Variants in HEPHL1 observed in about 807,000 individuals in gnomAD.
HEPHL1 encodes hephaestin like 1.
A neutral mutation model predicts 122.0 loss-of-function variants in HEPHL1; 123 were observed. That is an observed-to-expected ratio of 1.01 (90% CI 0.87 to 1.17). The LOEUF (loss-of-function observed/expected upper bound fraction) is 1.17, where lower values mean the gene tolerates loss of function less well. Among genes scored for constraint, HEPHL1 ranks in the 50% most tolerant of loss-of-function variants. HEPHL1 has a pLI of 0.00. For missense variants in HEPHL1, 1,452 were observed against 1,430.5 expected (o/e 1.01, Z -0.24); for synonymous variants, 527 against 508.9 (o/e 1.04, Z -0.48).
intron 13 of HEPHL1, among the ~76,000 whole-genome samples, chr11:94,098,966 C>T (rs551973137): frequency 8.5e-5 from 13 of 152,308 alleles, no homozygotes; most frequent in African/African-American, 3.1e-4. Context: ...GAACATCCTC[C>T]TTTAGCTTGG....
chr11:94,105,934 A>T (rs1591490449), intron 16 of HEPHL1, 57 bp from the exon 17 acceptor site: 7 of 1,243,360 alleles, frequency 5.6e-6, no homozygotes, highest in East Asian at 4.9e-5. Flanking sequence ...GGAAACATTT[A>T]AAAAATCAGC....
chr11:94,050,368 T>C (rs1238254323), intron 2 of HEPHL1, among the ~76,000 whole-genome samples: 1 of 152,154 alleles, frequency 6.6e-6, no homozygotes, highest in Non-Finnish European at 1.5e-5. Context: ...TTTAGGAAAA[T>C]ATGTAATATT....
intron 15 of HEPHL1, among the ~76,000 whole-genome samples, chr11:94,103,594 TAAAA>T (rs1278778195): frequency 6.6e-6 from 1 of 152,168 alleles, no homozygotes; most frequent in Non-Finnish European, 1.5e-5. Flanking sequence ...AACTTTGAAA[TAAAA>T]GGCAAAGATT....
chr11:94,053,124 G>C (rs1252077104), intron 2 of HEPHL1, among the ~76,000 whole-genome samples: 1 of 151,900 alleles, frequency 6.6e-6, no homozygotes, highest in Non-Finnish European at 1.5e-5. Context: ...AGGATCTTTA[G>C]TTACTAATTC....
At chr11:94,079,325 T>C (rs1302254280) in intron 9 of HEPHL1, among the ~76,000 whole-genome samples, 1 of 152,252 alleles carries the variant, frequency 6.6e-6, no homozygotes, top group Non-Finnish European at 1.5e-5. Flanking sequence ...TCTGTTCACA[T>C]AGCCCATGAT....
chr11:94,094,874 CT>C, intron 13 of HEPHL1, among the ~76,000 whole-genome samples: 1 of 152,036 alleles, frequency 6.6e-6, no homozygotes, highest in East Asian at 1.9e-4. Flanking sequence ...TGTTTGAGTT[CT>C]TTGTAGATTC....
At chr11:94,044,489 A>G (rs1945815824) in intron 1 of HEPHL1, among the ~76,000 whole-genome samples, 2 of 152,242 alleles carry the variant, frequency 1.3e-5, no homozygotes, top group South Asian at 4.2e-4. Context: ...AGTGCTTCCA[A>G]GATAAATTTT....
Position 94,073,394 on chromosome 11 carries a change from G to A in HEPHL1, c.1459G>A (p.Gly487Ser), listed in dbSNP as rs867677199. ...ADKVYSILPH[G>S]VIYDKASDAA... is the part of the protein sequence containing the mutation. ...CAAGGTCTATAGCATTTTACCCCAT[G>A]GTGTGATCTATGACAAGGCATCTGA... Residue 487 changes from glycine (G) to serine (S), a missense_variant, in exon 8 of 20, where the codon GGT becomes AGT. Transcript: ENST00000315765. 6.4e-7 allele frequency: 1 copy of A among 1,565,640 alleles called. No homozygotes were observed.
intron 13 of HEPHL1, among the ~76,000 whole-genome samples, chr11:94,094,013 T>TATATATATA (rs1485344204): frequency 8.2e-6 from 1 of 121,690 alleles, no homozygotes; most frequent in Non-Finnish European, 1.6e-5. Context: ...TATATATATA[T>TATATATATA]AAAACTTTAA....
At chr11:94,027,447 C>T (rs985543535) in intron 1 of HEPHL1, among the ~76,000 whole-genome samples, 5 of 152,154 alleles carry the variant, frequency 3.3e-5, no homozygotes, top group African/African-American at 1.2e-4. Flanking sequence ...CTTTGGAGAG[C>T]AGGAGCCCTG....
In HEPHL1 at chr11:94,111,776, T is replaced by A; in HGVS notation, c.3362T>A (p.Ile1121Asn). The change falls in exon 20 of 20, where the codon ATC becomes AAC. Residue 1121 changes from isoleucine to asparagine, a missense_variant. Ile to Asn is a moderately radical substitution (Grantham distance 149). Coordinates refer to ENST00000315765, the MANE Select transcript of HEPHL1 (RefSeq NM_001098672.2). Reference protein sequence around the residue: ...GAKAALVILFIIGLLLLITTV... With the variant: ...GAKAALVILFNIGLLLLITTV... ...AAGGCAGCCTTGGTCATCCTTTTCATCATTGGACTCCTCCTTCTAATCACC... is the reference window on the plus strand; with the variant it reads ...AAGGCAGCCTTGGTCATCCTTTTCAACATTGGACTCCTCCTTCTAATCACC... The A allele has an allele frequency of 6.3e-7, 1 of 1,595,728 alleles. No individual in the cohort carries two copies. The highest frequency in any genetic ancestry group is 8.5e-7 in the Non-Finnish European group (1 of 1,171,914).
intron 9 of HEPHL1, among the ~76,000 whole-genome samples, chr11:94,076,645 T>A (rs921597367): frequency 4.6e-5 from 7 of 151,970 alleles, no homozygotes; most frequent in Non-Finnish European, 8.8e-5. Context: ...CCTATACCTA[T>A]AACTTGGCTG....
At chr11:94,107,583 TGTC>T (rs1364505899) in intron 17 of HEPHL1, among the ~76,000 whole-genome samples, 1 of 152,212 alleles carries the variant, frequency 6.6e-6, no homozygotes, top group African/African-American at 2.4e-5. Context: ...ACTTAACACT[TGTC>T]AACCACTGTC....
intron 13 of HEPHL1, among the ~76,000 whole-genome samples, chr11:94,095,112 G>C (rs986337399): frequency 2.0e-5 from 3 of 152,014 alleles, no homozygotes; most frequent in African/African-American, 4.8e-5. Flanking sequence ...TTTCTTCTAG[G>C]GTTTTTATGG....
chr11:94,102,831 T>C lies in HEPHL1; in HGVS notation c.2576-83T>C, dbSNP rs142656125. The C allele has an allele frequency of 1.1e-3, 790 of 709,546 alleles. 5 individuals carry two copies. In the African/African-American group the frequency reaches 0.012, roughly 11 times the overall value. The allele number at this position is 709,546 out of a possible 1,614,324, so 44.0% of individuals were successfully genotyped here. On this transcript the variant is annotated intron_variant, in intron 14 of 19. Transcript: ENST00000315765. ...AGCAATAAACATTAATGAAAATATATAAAGACCTGCTTATATTTCTTCAGA... is the reference window on the plus strand; with the variant it reads ...AGCAATAAACATTAATGAAAATATACAAAGACCTGCTTATATTTCTTCAGA...
At chr11:94,056,500 T>C (rs867367093) in intron 2 of HEPHL1, among the ~76,000 whole-genome samples, 3 of 152,202 alleles carry the variant, frequency 2.0e-5, no homozygotes, top group Non-Finnish European at 4.4e-5. Flanking sequence ...CTGTTTATTT[T>C]TTAGCCTATA....
intron 13 of HEPHL1, among the ~76,000 whole-genome samples, chr11:94,098,824 A>G (rs1401211016): frequency 1.3e-5 from 2 of 152,094 alleles, no homozygotes; most frequent in African/African-American, 2.4e-5. Flanking sequence ...AAGCTTGTGC[A>G]TTCATTATGT....
chr11:94,074,058 C>A (rs1309921950), intron 8 of HEPHL1, among the ~76,000 whole-genome samples: 1 of 152,076 alleles, frequency 6.6e-6, no homozygotes, highest in Non-Finnish European at 1.5e-5. Context: ...ACTTCTAGTT[C>A]CTTGGTACTC....
In HEPHL1 at chr11:94,040,136, T is replaced by C. The variant is rs201535408; in HGVS notation, c.171-5537T>C. ...AGAAAATCTAGAAGAAATGGATACA[T>C]TCCTCGACACATACACTCTCCCAAG... On this transcript the variant is annotated intron_variant, in intron 1 of 19. Coordinates refer to ENST00000315765, the MANE Select transcript of HEPHL1 (RefSeq NM_001098672.2). 4.0e-3 allele frequency among the ~76,000 whole-genome samples: 315 copies of C among 79,136 alleles called. 3 individuals carry two copies. The East Asian group carries it at 0.052, about 13-fold the overall frequency. 51.9% of individuals were successfully genotyped at this position (79,136 alleles called of 152,430 possible).
Sources: gnomAD v4.1 joint callset for allele counts (sites outside exome capture counted in the v4.1 genomes callset) on GRCh38, gnomAD v4.1.1 for gene constraint, MANE v1.5 for transcripts, NCBI Gene and HGNC (gene_info 2026-07-23, HGNC 2026-07-21) for gene names.